SLFNL1: variants seen among roughly 807,000 people sequenced by gnomAD.
SLFNL1 encodes schlafen-like protein 1.
Under a neutral mutation model 32.5 loss-of-function variants are expected in SLFNL1, and 26 were observed. The ratio of observed to expected loss-of-function variants is 0.80; its 90% CI spans 0.59 to 1.11. The LOEUF is 1.11. Ranked by LOEUF, SLFNL1 falls within the 50% of genes least tolerant of loss-of-function variation. The pLI, the probability that SLFNL1 is intolerant of heterozygous loss-of-function variation, is 0.00. For synonymous variants in SLFNL1, 255 were observed against 242.2 expected (o/e 1.05, Z -0.49); for missense variants, 553 against 546.5 (o/e 1.01, Z -0.12).
intron 1 of SLFNL1, chr1:41,021,368 C>G (rs1439500665): frequency 6.6e-6 from 1 of 152,520 alleles, no homozygotes; most frequent in Non-Finnish European, 1.5e-5. Context: ...AAGAACTAGT[C>G]TAGACTGAGT....
rs757785947 is a variant in SLFNL1 at position 41,016,264 on chromosome 1, G to A, written c.1102-36C>T. 17 of 1,609,484 alleles carry A rather than the reference G, an allele frequency of 1.1e-5. No homozygotes were observed. In the South Asian group the frequency reaches 1.1e-4, roughly 10 times the overall value. ...ATGGGAAAAGCATGTGGCCAAGCCCGCCTGGTCTCGGGCCTGTCCGTCCTC... is the reference window on the plus strand; with the variant it reads ...ATGGGAAAAGCATGTGGCCAAGCCCACCTGGTCTCGGGCCTGTCCGTCCTC... On this transcript the variant is annotated intron_variant, in intron 5 of 5. Transcript: ENST00000302946.
Position 41,017,932 on chromosome 1 carries a change from G to A in SLFNL1, c.660C>T (p.Ser220=), listed in dbSNP as rs1451023104. The A allele has an allele frequency of 1.3e-5, 21 of 1,612,176 alleles. No homozygotes were observed. Among genetic ancestry groups the A allele is most frequent in the East Asian group, 2.2e-5 (1 of 44,870 alleles). The change falls in exon 4 of 6, where the codon AGC becomes AGT. Residue 220 remains serine, a synonymous_variant. Transcript: ENST00000302946. The surrounding 1 kb of genome is among the most constrained non-coding windows in gnomAD (Gnocchi z 4.9). ...DQLFQGAFLG[S]ETRNMEFKRG... is the part of the protein sequence containing the mutation. ...GCTTGAACTCCATATTGCGGGTCTC[G>A]CTGCCCAGGAAGGCACCCTGGAAGA...
Position 41,020,409 on chromosome 1 carries a change from T to A in SLFNL1, c.252A>T (p.Glu84Asp), listed in dbSNP as rs534596053. Residue 84 changes from glutamate (E) to aspartate (D), a missense_variant, in exon 3 of 6, where the codon GAA becomes GAT. Transcript: ENST00000302946. ...AGGCCTTCCGCGGCCGCCTCACCACTTCAATGTGCTCCCGCGCCACCGGCA... is the reference window on the plus strand; with the variant it reads ...AGGCCTTCCGCGGCCGCCTCACCACATCAATGTGCTCCCGCGCCACCGGCA... ...LEMPVAREHI[E>D]VVRRPRKAYA... The A allele has an allele frequency of 1.9e-6, 3 of 1,613,134 alleles. No individual in the cohort carries two copies. The South Asian group carries it at 3.3e-5, about 18-fold the overall frequency.
At position 41,020,512 on chromosome 1, in the gene SLFNL1, T is replaced by G. The variant is rs779954604; in HGVS notation, c.149A>C (p.Tyr50Ser). The part of the protein sequence containing the change: ...LEEAPSAHTL[Y>S]VGHLNPQFSV... Reference sequence around the variant, plus strand: ...GAACTGGGGGTTCAGATGGCCCACATAGAGAGTGTGCGCCGAGGGAGCCTC... The same window carrying G: ...GAACTGGGGGTTCAGATGGCCCACAGAGAGAGTGTGCGCCGAGGGAGCCTC... Residue 50 changes from tyrosine to serine, a missense_variant, in exon 3 of 6, where the codon TAT becomes TCT. Physicochemically the swap from Tyr to Ser is moderately radical, Grantham distance 144. Transcript: ENST00000302946. 58 of 1,613,300 alleles carry G rather than the reference T, an allele frequency of 3.6e-5. No homozygotes were observed. The highest frequency in any genetic ancestry group is 8.3e-5 in the Admixed American group (5 of 60,008).
chr1:41,016,367 C>A, intron 5 of SLFNL1, 139 bp from the exon 6 acceptor site: 1 of 1,317,288 alleles, frequency 7.6e-7, no homozygotes, highest in East Asian at 2.5e-5. Context: ...AAGTCAGGCC[C>A]CTCGGCCTGC....
Position 41,015,999 on chromosome 1 carries a change from C to T in SLFNL1, c.*107G>A, listed in dbSNP as rs562215876. The T allele has an allele frequency of 6.9e-7, 1 of 1,452,958 alleles. No individual in the cohort carries two copies. The highest frequency in any genetic ancestry group is 2.5e-5 in the East Asian group (1 of 40,502). 90.0% of individuals were successfully genotyped at this position (1,452,958 alleles called of 1,614,324 possible). A position where few individuals can be genotyped will look rare whatever the true frequency, so the allele number is the denominator to read the frequency against. On this transcript the variant is annotated 3_prime_UTR_variant, in exon 6 of 6. Coordinates refer to ENST00000302946, the MANE Select transcript of SLFNL1 (RefSeq NM_144990.4). Reference sequence around the variant, plus strand: ...CCATGTTGAAGGAGTCCCTGTCCGCCTCTCAGCAGCCCGCATGGGCTTTAC... The same window carrying T: ...CCATGTTGAAGGAGTCCCTGTCCGCTTCTCAGCAGCCCGCATGGGCTTTAC...
intron 5 of SLFNL1, 121 bp from the exon 6 acceptor site, chr1:41,016,349 T>A: frequency 6.8e-7 from 1 of 1,464,576 alleles, no homozygotes; most frequent in Non-Finnish European, 9.2e-7. Flanking sequence ...CTTTCTCAGC[T>A]AGGGGAAAAG....
In SLFNL1 at chr1:41,017,429, C is replaced by T. The variant is rs764250972; in HGVS notation, c.958-52G>A. On this transcript the variant is annotated intron_variant, in intron 4 of 5. Transcript: ENST00000302946. The surrounding 1 kb of genome is among the most constrained non-coding windows in gnomAD (Gnocchi z 4.9). ...AGGCGCCGCCCCTCACGGTCGGCAG[C>T]CCCCATCCTGCCAGGCTGCTCAGCA... 1.0e-5 allele frequency: 16 copies of T among 1,584,838 alleles called. No individual in the cohort carries two copies. Among genetic ancestry groups the T allele is most frequent in the Non-Finnish European group, 1.2e-5 (14 of 1,165,502 alleles).
Position 41,017,651 on chromosome 1 carries a change from G to A in SLFNL1, c.941C>T (p.Thr314Ile). 1.3e-6 allele frequency: 2 copies of A among 1,529,256 alleles called. No individual in the cohort carries two copies. The highest frequency in any genetic ancestry group is 1.8e-6 in the Non-Finnish European group (2 of 1,135,600). 94.7% of individuals were successfully genotyped at this position (1,529,256 alleles called of 1,614,324 possible). Reference protein sequence around the residue: ...TFIPVISTSETSVPLKVIRLT... With the variant: ...TFIPVISTSEISVPLKVIRLT... ...CAGGCTCACCTTGAGGGGGACGCTGGTCTCCGAGGTACTGATCACAGGGAT... is the reference window on the plus strand; with the variant it reads ...CAGGCTCACCTTGAGGGGGACGCTGATCTCCGAGGTACTGATCACAGGGAT... Residue 314 changes from threonine (T) to isoleucine (I), a missense_variant, in exon 4 of 6, where the codon ACC becomes ATC. Transcript: ENST00000302946. This position sits in a 1 kb window ranked among gnomAD's most constrained non-coding sequence, Gnocchi z 4.9.
rs923031464 is a variant in SLFNL1, at chr1:41,017,104, C to A, written c.1101+130G>T. 1.7e-6 allele frequency: 2 copies of A among 1,174,236 alleles called. No individual in the cohort carries two copies. Among genetic ancestry groups the A allele is most frequent in the South Asian group, 1.6e-5 (1 of 61,396 alleles). The allele number at this position is 1,174,236 out of a possible 1,614,324, so 72.7% of individuals were successfully genotyped here. A position where few individuals can be genotyped will look rare whatever the true frequency, so the allele number is the denominator to read the frequency against. ...GGATGTGGTGTGATTGTATTCCAACCCCTTGGGTTCAACGGGGTGATGCAG... is the reference window on the plus strand; with the variant it reads ...GGATGTGGTGTGATTGTATTCCAACACCTTGGGTTCAACGGGGTGATGCAG... On this transcript the variant is annotated intron_variant, in intron 5 of 5. Coordinates refer to ENST00000302946, the MANE Select transcript of SLFNL1 (RefSeq NM_144990.4). The surrounding 1 kb of genome is among the most constrained non-coding windows in gnomAD (Gnocchi z 4.9).
Position 41,017,321 on chromosome 1 carries a change from C to CTGGTA in SLFNL1, c.1009_1013dup (p.Gln338HisfsTer45). ...GCAGAAACACCTCCCCCTGGTCTGT[C>CTGGTA]TGGTAGAGTTGCGGCTGGCTCTGGG... is the stretch of plus-strand genomic sequence containing the variant. On this transcript the variant is annotated frameshift_variant, in exon 5 of 6. Transcript: ENST00000302946. LOFTEE classifies it high-confidence loss of function. This position sits in a 1 kb window ranked among gnomAD's most constrained non-coding sequence, Gnocchi z 4.9. 1 of 1,613,954 alleles carries CTGGTA rather than the reference C, an allele frequency of 6.2e-7. No individual in the cohort carries two copies. Among genetic ancestry groups the CTGGTA allele is most frequent in the Non-Finnish European group, 8.5e-7 (1 of 1,179,958 alleles).
chr1:41,018,828 G>GT (rs34061852), intron 3 of SLFNL1, among the ~76,000 whole-genome samples: 10,788 of 60,700 alleles, frequency 0.18, 2,607 homozygotes, highest in East Asian at 0.25. Flanking sequence ...CAACCCTCCT[G>GT]TTTTTTTTTT....
chr1:41,018,918 C>T (rs1292675330), intron 3 of SLFNL1, among the ~76,000 whole-genome samples: 3 of 144,898 alleles, frequency 2.1e-5, no homozygotes, highest in African/African-American at 7.6e-5. Flanking sequence ...CGGCTCACTG[C>T]AAGCTCCGCC....
Position 41,017,644 on chromosome 1 carries a change from G to A in SLFNL1, c.948C>T (p.Val316=). 3.3e-6 allele frequency: 5 copies of A among 1,527,384 alleles called. No individual in the cohort carries two copies. The highest frequency in any genetic ancestry group is 4.4e-6 in the Non-Finnish European group (5 of 1,134,880). 94.6% of individuals were successfully genotyped at this position (1,527,384 alleles called of 1,614,324 possible). A position where few individuals can be genotyped will look rare whatever the true frequency, so the allele number is the denominator to read the frequency against. Residue 316 remains valine (V), a synonymous_variant, in exon 4 of 6, where the codon GTC becomes GTT. Coordinates refer to ENST00000302946, the MANE Select transcript of SLFNL1 (RefSeq NM_144990.4). The surrounding 1 kb of genome is among the most constrained non-coding windows in gnomAD (Gnocchi z 4.9). ...TGTCCTGCAGGCTCACCTTGAGGGGGACGCTGGTCTCCGAGGTACTGATCA... is the reference window on the plus strand; with the variant it reads ...TGTCCTGCAGGCTCACCTTGAGGGGAACGCTGGTCTCCGAGGTACTGATCA... The part of the protein sequence containing the change: ...IPVISTSETS[V]PLKVIRLTVH...
chr1:41,016,828 C>G (rs12037263), intron 5 of SLFNL1: 54,476 of 157,478 alleles, frequency 0.35, 11,014 homozygotes, highest in Admixed American at 0.5. Context: ...TCCTGCCTCA[C>G]CCTCTCGAGT....
At chr1:41,018,741 C>T (rs576243026) in intron 3 of SLFNL1, among the ~76,000 whole-genome samples, 4 of 151,458 alleles carry the variant, frequency 2.6e-5, no homozygotes, top group African/African-American at 7.3e-5. Flanking sequence ...TGAGCCTCCT[C>T]GGGGCCACTT....
Position 41,017,213 on chromosome 1 carries a change from C to T in SLFNL1, c.1101+21G>A. 6.5e-7 allele frequency: 1 copy of T among 1,540,432 alleles called. No homozygotes were observed. The highest frequency in any genetic ancestry group is 8.7e-7 in the Non-Finnish European group (1 of 1,146,586). ...GGGGTCAGCTCCGCTCCACCCCACC[C>T]ACTGGCCTCAGCTTCCGTACCTGCC... On this transcript the variant is annotated intron_variant, in intron 5 of 5. Coordinates refer to ENST00000302946, the MANE Select transcript of SLFNL1 (RefSeq NM_144990.4). This position sits in a 1 kb window ranked among gnomAD's most constrained non-coding sequence, Gnocchi z 4.9.
Position 41,018,034 on chromosome 1 carries a change from C to G in SLFNL1, c.558G>C (p.Gln186His). 2 of 1,596,540 alleles carry G rather than the reference C, an allele frequency of 1.3e-6. No homozygotes were observed. Among genetic ancestry groups the G allele is most frequent in the South Asian group, 2.2e-5 (2 of 89,104 alleles). The change falls in exon 4 of 6, where the codon CAG becomes CAC. Residue 186 changes from glutamine (Q) to histidine (H), a missense_variant. Coordinates refer to ENST00000302946, the MANE Select transcript of SLFNL1 (RefSeq NM_144990.4). ...LPDRPQAQQL[Q>H]SCQGRPSGVC... is the part of the protein sequence containing the mutation. ...CGCCGCTGGGCCGGCCCTGGCAGCTCTGCAGCTGCTGGGCCTGGGGCCTAT... is the reference window on the plus strand; with the variant it reads ...CGCCGCTGGGCCGGCCCTGGCAGCTGTGCAGCTGCTGGGCCTGGGGCCTAT...
Position 41,020,223 on chromosome 1 carries a change from T to C in SLFNL1, c.435+3A>G. On this transcript the variant is annotated splice_donor_region_variant and intron_variant, in intron 3 of 5. Coordinates refer to ENST00000302946, the MANE Select transcript of SLFNL1 (RefSeq NM_144990.4). ...GAGCTTGCTTGGGAAAAGTCCCACT[T>C]ACCTCTCTGTGGCTGAAGGGCCCTT... The C allele has an allele frequency of 6.3e-7, 1 of 1,578,072 alleles. No individual in the cohort carries two copies. Among genetic ancestry groups the C allele is most frequent in the South Asian group, 1.2e-5 (1 of 85,244 alleles).
Sources: gnomAD v4.1 joint callset for allele counts (sites outside exome capture counted in the v4.1 genomes callset) on GRCh38, gnomAD v4.1.1 for gene constraint, Gnocchi (gnomAD v3.1) non-coding constraint, MANE v1.5 for transcripts, NCBI Gene and HGNC (gene_info 2026-07-23, HGNC 2026-07-21) for gene names.